ALDH1L1: variants seen among roughly 807,000 people sequenced by gnomAD.
ALDH1L1 encodes the protein aldehyde dehydrogenase 1 family member L1, also known as cytosolic 10-formyltetrahydrofolate dehydrogenase.
In ALDH1L1, 68 loss-of-function variants were observed where a neutral mutation model predicts 101.1. That is an observed-to-expected ratio of 0.67 (90% CI 0.55 to 0.82). ALDH1L1 has a LOEUF of 0.82. ALDH1L1 is among the 40% of genes least tolerant of loss of function. The probability of loss-of-function intolerance (pLI) is 0.00; values close to 1 mark genes in which losing one functional copy is unlikely to be tolerated. For missense variants in ALDH1L1, 1,087 were observed against 1,172.7 expected (o/e 0.93, Z 1.07); for synonymous variants, 486 against 470.8 (o/e 1.03, Z -0.42).
chr3:126,169,640 C>T (rs572382069), intron 1 of ALDH1L1, among the ~76,000 whole-genome samples: 8 of 152,228 alleles, frequency 5.3e-5, no homozygotes, highest in African/African-American at 1.7e-4. Context: ...AGGAATTCAC[C>T]CAACTCATAA....
intron 9 of ALDH1L1, 45 bp from the exon 10 acceptor site, chr3:126,138,005 C>T: frequency 1.2e-6 from 2 of 1,609,918 alleles, no homozygotes; most frequent in Non-Finnish European, 1.7e-6. Flanking sequence ...AGGGGCTCAG[C>T]AGGCCTGCAT....
At chr3:126,110,172 A>G (rs983388038) in intron 19 of ALDH1L1, 63 bp from the exon 20 acceptor site, 26 of 1,591,608 alleles carry the variant, frequency 1.6e-5, no homozygotes, top group East Asian at 8.9e-5. Flanking sequence ...AATGATCCTC[A>G]CCTGACTCAG....
In ALDH1L1 at chr3:126,125,720, C is replaced by A. The variant is rs765731459; in HGVS notation, c.1696G>T (p.Val566Phe). The A allele has an allele frequency of 2.6e-6, 4 of 1,551,638 alleles. No individual in the cohort carries two copies. The highest frequency in any genetic ancestry group is 3.7e-5 in the Admixed American group (2 of 53,682). Reference protein sequence around the residue: ...LTLTRKEPVGVCGIIIPWNYP... With the variant: ...LTLTRKEPVGFCGIIIPWNYP... The stretch of plus-strand genomic sequence containing the variant: ...TTCCAGGGGATGATGATGCCACAAA[C>A]CCTGCCACACAAAAGAGGTTGGCCT... Residue 566 changes from valine to phenylalanine, a missense_variant and splice_region_variant, in exon 15 of 23, where the codon GTT becomes TTT. Physicochemically the swap from Val to Phe is conservative, Grantham distance 50. Around this residue, in one of 2 missense-constraint regions of ALDH1L1, gnomAD observed 442 missense variants for 535.7 expected, o/e 0.83. Coordinates refer to ENST00000393434, the MANE Select transcript of ALDH1L1 (RefSeq NM_012190.4).
chr3:126,191,983 A>C (rs2081555992), intron 1 of ALDH1L1, among the ~76,000 whole-genome samples: 1 of 152,202 alleles, frequency 6.6e-6, no homozygotes, highest in African/African-American at 2.4e-5. Context: ...GTGGCATTAC[A>C]GTCCAGGTAT....
At chr3:126,130,089 C>T (rs967232303) in intron 14 of ALDH1L1, 134 bp downstream of exon 14, 4 of 754,118 alleles carry the variant, frequency 5.3e-6, no homozygotes, top group Non-Finnish European at 7.8e-6. Context: ...GGAGCAGGTG[C>T]TCAAGAAGCA....
chr3:126,107,024 G>A (rs113626773), intron 21 of ALDH1L1, 117 bp downstream of exon 21: 45 of 920,744 alleles, frequency 4.9e-5, no homozygotes, highest in African/African-American at 4.4e-4. Flanking sequence ...CACGGCTTGC[G>A]CCCTGCCTGA....
At chr3:126,151,306 G>C (rs1457430536) in intron 7 of ALDH1L1, 1 of 152,268 alleles carries the variant, frequency 6.6e-6, no homozygotes, top group Non-Finnish European at 1.5e-5. Flanking sequence ...ACAGAGGTGG[G>C]AAGAGGAGAG....
intron 12 of ALDH1L1, among the ~76,000 whole-genome samples, chr3:126,133,783 C>T (rs966660903): frequency 2.0e-5 from 3 of 152,154 alleles, no homozygotes; most frequent in Non-Finnish European, 2.9e-5. Context: ...CAGGCTCGGC[C>T]GGCCCTACTG....
At position 126,125,627 on chromosome 3, in the gene ALDH1L1, T is replaced by C; in HGVS notation, c.1789A>G (p.Lys597Glu). The C allele has an allele frequency of 6.3e-7, 1 of 1,585,740 alleles. No individual in the cohort carries two copies. Among genetic ancestry groups the C allele is most frequent in the Non-Finnish European group, 8.6e-7 (1 of 1,164,424 alleles). Residue 597 changes from lysine to glutamate, a missense_variant, in exon 15 of 23, where the codon AAG (lysine) becomes GAG (glutamate). Physicochemically the swap from Lys to Glu is moderately conservative, Grantham distance 56 (BLOSUM62 1). This residue lies in a region of ALDH1L1 where 442 missense variants were observed against 535.7 expected (regional missense o/e 0.83). Coordinates refer to ENST00000393434, the MANE Select transcript of ALDH1L1 (RefSeq NM_012190.4). ...CLAAGNTVVIKPAQVTPLTAL... is the reference protein window; with the variant it reads ...CLAAGNTVVIEPAQVTPLTAL... ...GAACCCACGCTCACCTGAGCAGGCT[T>C]GATCACCACTGTGTTCCCGGCAGCC...
intron 1 of ALDH1L1, among the ~76,000 whole-genome samples, chr3:126,163,726 C>A (rs962956741): frequency 1.3e-5 from 2 of 152,136 alleles, no homozygotes; most frequent in African/African-American, 4.8e-5. Context: ...AAATGTTAAG[C>A]CACCTTTGCA....
At chr3:126,178,308 G>A (rs2081400829) in intron 1 of ALDH1L1, among the ~76,000 whole-genome samples, 1 of 147,648 alleles carries the variant, frequency 6.8e-6, no homozygotes, top group Non-Finnish European at 1.5e-5. Context: ...TTGAGCCCAG[G>A]AGTTCAAAGC....
At chr3:126,185,007 C>A (rs2081505574), upstream of ALDH1L1, among the ~76,000 whole-genome samples, 1 of 152,176 alleles carries the variant, frequency 6.6e-6, no homozygotes, top group South Asian at 2.1e-4. Flanking sequence ...TAGAACCTCT[C>A]CCCAGTGGGA....
At chr3:126,126,541 AG>A (rs1440926161) in intron 14 of ALDH1L1, among the ~76,000 whole-genome samples, 1 of 151,850 alleles carries the variant, frequency 6.6e-6, no homozygotes, top group East Asian at 1.9e-4. Flanking sequence ...GTGAGGCATC[AG>A]GGGGGAGCAG....
rs113107813 is a variant in ALDH1L1, at chr3:126,135,768, T to C, written c.1345-106A>G. On this transcript the variant is annotated intron_variant, in intron 11 of 22. Coordinates refer to ENST00000393434, the MANE Select transcript of ALDH1L1 (RefSeq NM_012190.4). ...CCTGGGGCCCCAGTGAGGCGGCCCCTGTCCACATGAGCAGGTGTGGAGGAG... is the reference window on the plus strand; with the variant it reads ...CCTGGGGCCCCAGTGAGGCGGCCCCCGTCCACATGAGCAGGTGTGGAGGAG... The C allele has an allele frequency of 0.012, 15,857 of 1,333,390 alleles. 1,474 individuals carry two copies. In the African/African-American group the frequency reaches 0.21, roughly 17 times the overall value. The allele number at this position is 1,333,390 out of a possible 1,614,324, so 82.6% of individuals were successfully genotyped here. A position where few individuals can be genotyped will look rare whatever the true frequency, so the allele number is the denominator to read the frequency against.
At chr3:126,103,947 T>A in intron 22 of ALDH1L1, 101 bp from the exon 23 acceptor site, 1 of 1,326,082 alleles carries the variant, frequency 7.5e-7, no homozygotes, top group Admixed American at 2.0e-5. Context: ...GGGGCAGCTC[T>A]GGCTCACCCC....
rs745907710 is a variant in ALDH1L1 at position 126,160,921 on chromosome 3, C to T, written c.59G>A (p.Arg20Lys). 1 of 1,614,272 alleles carries T rather than the reference C, an allele frequency of 6.2e-7. No homozygotes were observed. The highest frequency in any genetic ancestry group is 1.1e-5 in the South Asian group (1 of 91,088). The change falls in exon 2 of 23, where the codon AGG becomes AAG. Residue 20 changes from arginine (R) to lysine (K), a missense_variant. Around this residue, in one of 2 missense-constraint regions of ALDH1L1, gnomAD observed 645 missense variants for 637.0 expected, o/e 1.01. Coordinates refer to ENST00000393434, the MANE Select transcript of ALDH1L1 (RefSeq NM_012190.4). ...ACCCACCACTTCGTGGCCCTCCTTC[C>T]TCAGGTGGCAGTAAACTTCCTGGCC... ...LFGQEVYCHLRKEGHEVVGVF... is the reference protein window; with the variant it reads ...LFGQEVYCHLKKEGHEVVGVF...
At chr3:126,119,321 C>T (rs2080035228) in intron 16 of ALDH1L1, among the ~76,000 whole-genome samples, 1 of 152,240 alleles carries the variant, frequency 6.6e-6, no homozygotes, top group Admixed American at 6.5e-5. Context: ...CTTCTGGCTT[C>T]TCAAATTCAA....
chr3:126,145,145 T>C (rs966307981), intron 9 of ALDH1L1, among the ~76,000 whole-genome samples: 5 of 152,004 alleles, frequency 3.3e-5, no homozygotes, highest in African/African-American at 1.2e-4. Flanking sequence ...CTCATCACTG[T>C]TGGGATGGTT....
chr3:126,106,789 ATC>A (rs1161505491), intron 21 of ALDH1L1, among the ~76,000 whole-genome samples: 3 of 152,204 alleles, frequency 2.0e-5, no homozygotes, highest in Non-Finnish European at 4.4e-5. Context: ...ACTAAAATAA[ATC>A]TCTGATTATT....
Sources: gnomAD v4.1 joint callset for allele counts (sites outside exome capture counted in the v4.1 genomes callset) on GRCh38, gnomAD v4.1.1 for gene constraint, gnomAD v4.1.1 regional missense constraint, MANE v1.5 for transcripts, NCBI Gene and HGNC (gene_info 2026-07-23, HGNC 2026-07-21) for gene names.